Variants in ACIN1 observed in about 807,000 individuals in gnomAD.
The protein encoded by ACIN1 is apoptotic chromatin condensation inducer in the nucleus.
ACIN1 carries 16 observed loss-of-function variants against 146.6 expected under a neutral mutation model. That is an observed-to-expected ratio of 0.11 (90% CI 0.07 to 0.17). ACIN1 has a LOEUF of 0.17. Ranked by LOEUF, ACIN1 falls within the 10% of genes least tolerant of loss-of-function variation. The pLI is 1.00. For synonymous variants in ACIN1, 569 were observed against 582.7 expected, an observed-to-expected ratio of 0.98 and a Z score of 0.34; for missense variants, 1,357 against 1,609.3, an observed-to-expected ratio of 0.84 and a Z score of 2.68.
intron 8 of ACIN1, chr14:23,071,753 G>T: frequency 1.9e-6 from 1 of 537,346 alleles, no homozygotes; most frequent in Non-Finnish European, 3.2e-6. Flanking sequence ...AACCCCCCAG[G>T]GCTGGAGTGC....
chr14:23,090,762 G>T, intron 2 of ACIN1, 129 bp from the exon 3 acceptor site: 1 of 653,712 alleles, frequency 1.5e-6, no homozygotes, highest in Non-Finnish European at 2.5e-6. Flanking sequence ...ATGTTGGAAG[G>T]CTTTTTTCTA....
At chr14:23,059,805 G>A (rs1450187418) in intron 18 of ACIN1, among the ~76,000 whole-genome samples, 1 of 151,314 alleles carries the variant, frequency 6.6e-6, no homozygotes, top group Non-Finnish European at 1.5e-5. Context: ...AGGCGCCCGC[G>A]ACCACGCCCG....
chr14:23,070,980 T>C, intron 8 of ACIN1: 1 of 890,044 alleles, frequency 1.1e-6, no homozygotes, highest in Non-Finnish European at 1.7e-6. Context: ...AATTAGAAAC[T>C]GGGCAGGCAG....
At chr14:23,076,655 T>C (rs150839308) in intron 8 of ACIN1, 1 of 152,340 alleles carries the variant, frequency 6.6e-6, no homozygotes, top group African/African-American at 2.4e-5. Flanking sequence ...CTTCCCAAGG[T>C]GCATCGGAAG....
chr14:23,094,706 T>TGGGGGAA, intron 1 of ACIN1: 1 of 646,094 alleles, frequency 1.5e-6, no homozygotes, highest in African/African-American at 1.9e-5. Flanking sequence ...AAGGAGGGGG[T>TGGGGGAA]GGGGGAAGGA....
chr14:23,067,511 G>T lies in ACIN1; in HGVS notation c.2266-1503C>A. ...CCAGGGGCGCAGGGGGGGCGGGAGG[G>T]AAACGTGTGGGGGGACGCTGCCCAG... On this transcript the variant is annotated intron_variant, in intron 9 of 18. Transcript: ENST00000605057. The surrounding 1 kb of genome is among the most constrained non-coding windows in gnomAD (Gnocchi z 4.6). The T allele has an allele frequency of 4.5e-6, 1 of 221,750 alleles. No homozygotes were observed. The highest frequency in any genetic ancestry group is 7.3e-6 in the Non-Finnish European group (1 of 137,282). The allele number at this position is 221,750 out of a possible 1,614,324, so 13.7% of individuals were successfully genotyped here. A position where few individuals can be genotyped will look rare whatever the true frequency, so the allele number is the denominator to read the frequency against.
At chr14:23,063,862 T>A (rs988882423) in intron 12 of ACIN1, among the ~76,000 whole-genome samples, 1 of 152,206 alleles carries the variant, frequency 6.6e-6, no homozygotes, top group Admixed American at 6.5e-5. Context: ...TCTGGTGATG[T>A]TGTAGTGAAC....
rs1330041811 is a variant in ACIN1 at position 23,063,572 on chromosome 14, T to C, written c.2601A>G (p.Val867=). 5 of 1,614,176 alleles carry C rather than the reference T, an allele frequency of 3.1e-6. No individual in the cohort carries two copies. The highest frequency in any genetic ancestry group is 4.2e-6 in the Non-Finnish European group (5 of 1,180,028). Residue 867 remains valine (V), a synonymous_variant, in exon 13 of 19, where the codon GTA becomes GTG. Transcript: ENST00000605057. ...LKICRTVTQV[V]PAEGQENGQR... Reference sequence around the variant, plus strand: ...GCCCATTCTCCTGGCCCTCTGCAGGTACTACCTATCAAGGTGTCAGAGAAC... The same window carrying C: ...GCCCATTCTCCTGGCCCTCTGCAGGCACTACCTATCAAGGTGTCAGAGAAC...
At chr14:23,070,269 A>T (rs905877202) in intron 8 of ACIN1, among the ~76,000 whole-genome samples, 2 of 152,126 alleles carry the variant, frequency 1.3e-5, no homozygotes, top group Non-Finnish European at 2.9e-5. Flanking sequence ...TTCAAGCTTC[A>T]AGGACCCTCT....
intron 9 of ACIN1, 165 bp from the exon 10 acceptor site, chr14:23,066,173 A>G: frequency 8.8e-6 from 5 of 570,774 alleles, no homozygotes; most frequent in Non-Finnish European, 1.5e-5. Flanking sequence ...CCAAAACAGA[A>G]GCGGCAAACG....
At chr14:23,089,669 G>A (rs368642623) in intron 4 of ACIN1, among the ~76,000 whole-genome samples, 3 of 152,302 alleles carry the variant, frequency 2.0e-5, no homozygotes, top group African/African-American at 4.8e-5. Context: ...GTGTTAACAC[G>A]TAATATACAC....
Position 23,069,279 on chromosome 14 carries a change from A to T in ACIN1, c.2265+197T>A, listed in dbSNP as rs2047555108. The T allele has an allele frequency of 5.6e-6, 7 of 1,260,638 alleles. 2 individuals are homozygous for T. In the South Asian group the frequency reaches 2.1e-4, roughly 38 times the overall value. 78.1% of individuals were successfully genotyped at this position (1,260,638 alleles called of 1,614,324 possible). The stretch of plus-strand genomic sequence containing the variant: ...CTTCCCCAACAAGGAAAGGAAAATG[A>T]ATGAGCCCTGTCCCCGTCACAAGGG... On this transcript the variant is annotated intron_variant, in intron 9 of 18. Coordinates refer to ENST00000605057, the MANE Select transcript of ACIN1 (RefSeq NM_001386863.1).
chr14:23,064,377 C>G lies in ACIN1; in HGVS notation c.2420G>C (p.Ser807Thr), dbSNP rs1175677943. The change falls in exon 11 of 19, where the codon AGT (serine) becomes ACT (threonine). Residue 807 changes from serine to threonine, a missense_variant. By Grantham distance (58) the Ser-to-Thr change is moderately conservative. Transcript: ENST00000605057. ...TATTQKKPSI[S>T]ITTESLKSLI... The stretch of plus-strand genomic sequence containing the variant: ...CACCTTTAGTGATTCAGTGGTGATA[C>G]TGATGGAAGGTTTCTTCTGTGTGGT... The G allele has an allele frequency of 6.2e-7, 1 of 1,614,256 alleles. No homozygotes were observed. Among genetic ancestry groups the G allele is most frequent in the Non-Finnish European group, 8.5e-7 (1 of 1,180,038 alleles).
At position 23,061,075 on chromosome 14, in the gene ACIN1, A is replaced by G; in HGVS notation, c.3525+9T>C. The G allele has an allele frequency of 1.2e-6, 2 of 1,613,386 alleles. No homozygotes were observed. Among genetic ancestry groups the G allele is most frequent in the Non-Finnish European group, 1.7e-6 (2 of 1,179,746 alleles). ...CACTAGGGAGCAGGGCACGAAGAAGAGCACTCACCTGGCTGTCAGTCAGTG... is the reference window on the plus strand; with the variant it reads ...CACTAGGGAGCAGGGCACGAAGAAGGGCACTCACCTGGCTGTCAGTCAGTG... On this transcript the variant is annotated intron_variant, in intron 18 of 18. Transcript: ENST00000605057.
chr14:23,094,367 A>G (rs1302337002), intron 1 of ACIN1: 2 of 565,714 alleles, frequency 3.5e-6, no homozygotes, highest in East Asian at 1.5e-4. Flanking sequence ...ATATATATCA[A>G]CCTGCCTCGC....
chr14:23,071,365 G>A lies in ACIN1; in HGVS notation c.2124-1748C>T, dbSNP rs2047644648. 3.3e-6 allele frequency: 5 copies of A among 1,536,206 alleles called. No homozygotes were observed. In the South Asian group the frequency reaches 3.7e-5, roughly 11 times the overall value. On this transcript the variant is annotated intron_variant, in intron 8 of 18. Transcript: ENST00000605057. Reference sequence around the variant, plus strand: ...AAAAATGGTAAATGGAAGGGGAGGTGGTGGTGGTGCGGGGAGGCTAAAACA... The same window carrying A: ...AAAAATGGTAAATGGAAGGGGAGGTAGTGGTGGTGCGGGGAGGCTAAAACA...
At position 23,059,164 on chromosome 14, in the gene ACIN1, C is replaced by T; in HGVS notation, c.3836G>A (p.Arg1279Gln). ...TTTTCCCAGCTAGCGGCGCCCACCC[C>T]GGTCCCGCACAGGTGTGCTCCGACT... ...SRSRSTPVRD[R>Q]GGRR Residue 1279 changes from arginine to glutamine, a missense_variant, in exon 19 of 19, where the codon CGG (arginine) becomes CAG (glutamine). By Grantham distance (43) the Arg-to-Gln change is conservative (BLOSUM62 1). This residue lies in a region of ACIN1 where 509 missense variants were observed against 719.6 expected (regional missense o/e 0.71). Transcript: ENST00000605057. The T allele has an allele frequency of 6.2e-7, 1 of 1,613,790 alleles. No individual in the cohort carries two copies. The highest frequency in any genetic ancestry group is 8.5e-7 in the Non-Finnish European group (1 of 1,179,826).
chr14:23,064,715 G>T (rs1220904050), intron 10 of ACIN1: 1 of 492,344 alleles, frequency 2.0e-6, no homozygotes, highest in Non-Finnish European at 3.6e-6. Flanking sequence ...TGACCAACAT[G>T]GTGAAACCCC....
intron 2 of ACIN1, among the ~76,000 whole-genome samples, chr14:23,093,095 A>G (rs1224946159): frequency 6.6e-6 from 1 of 152,116 alleles, no homozygotes; most frequent in Admixed American, 6.5e-5. Context: ...AGAGTTCTTA[A>G]TCAGCAACTA....
Sources: gnomAD v4.1 joint callset for allele counts (sites outside exome capture counted in the v4.1 genomes callset) on GRCh38, gnomAD v4.1.1 for gene constraint, gnomAD v4.1.1 regional missense constraint, Gnocchi (gnomAD v3.1) non-coding constraint, MANE v1.5 for transcripts, NCBI Gene and HGNC (gene_info 2026-07-23, HGNC 2026-07-21) for gene names.